Variants in PRPSAP2 observed in about 807,000 individuals in gnomAD.
PRPSAP2 encodes the protein phosphoribosyl pyrophosphate synthase-associated protein 2.
In PRPSAP2, 24 loss-of-function variants were observed where a neutral mutation model predicts 40.6. That is an observed-to-expected ratio of 0.59 (90% CI 0.43 to 0.83). PRPSAP2 has a LOEUF of 0.83. Among genes scored for constraint, PRPSAP2 ranks in the 40% least tolerant of loss-of-function variants. The probability of loss-of-function intolerance (pLI) is 0.00; values close to 1 mark genes in which losing one functional copy is unlikely to be tolerated. For synonymous variants in PRPSAP2, 149 were observed against 164.7 expected (o/e 0.90, Z 0.73); for missense variants, 292 against 465.6 (o/e 0.63, Z 3.43).
intron 3 of PRPSAP2, among the ~76,000 whole-genome samples, chr17:18,866,286 C>T (rs1025139198): frequency 2.6e-5 from 4 of 152,018 alleles, no homozygotes; most frequent in African/African-American, 7.2e-5. Context: ...ACACTGGGGC[C>T]AGGCGCGGTG....
At chr17:18,887,591 C>T (rs1242618047) in intron 7 of PRPSAP2, among the ~76,000 whole-genome samples, 1 of 152,032 alleles carries the variant, frequency 6.6e-6, no homozygotes, top group Non-Finnish European at 1.5e-5. Context: ...TTATTATTTT[C>T]CTTTGGGAAC....
intron 8 of PRPSAP2, among the ~76,000 whole-genome samples, chr17:18,907,283 C>A (rs527999883): frequency 6.6e-6 from 1 of 152,096 alleles, no homozygotes; most frequent in East Asian, 1.9e-4. Flanking sequence ...CAAATCAAGG[C>A]AAATAATTTT....
At chr17:18,881,417 T>C (rs2038729327) in intron 6 of PRPSAP2, among the ~76,000 whole-genome samples, 1 of 145,888 alleles carries the variant, frequency 6.9e-6, no homozygotes, top group South Asian at 2.2e-4. Flanking sequence ...TTTGTGTTTT[T>C]AGTAGAGATG....
At chr17:18,859,541 C>T (rs1242420319) in intron 1 of PRPSAP2, 1 of 152,202 alleles carries the variant, frequency 6.6e-6, no homozygotes, top group Non-Finnish European at 1.5e-5. Context: ...GTGCTTGCTT[C>T]ACTGGGTTGT....
chr17:18,899,697 TTATTTTTGG>T lies in PRPSAP2; in HGVS notation c.584+9832_584+9840del, dbSNP rs1455714453. Among the ~76,000 whole-genome samples the T allele has an allele frequency of 2.7e-5, 4 of 150,920 alleles. No individual in the cohort carries two copies. In the East Asian group the frequency reaches 5.9e-4, roughly 22 times the overall value. On this transcript the variant is annotated intron_variant, in intron 8 of 11. Transcript: ENST00000268835. ...GTGCATGCCACCGTGTCTTGCGAAT[TTATTTTTGG>T]TATTTTTGGTAGAGACGGGGATTTT...
At chr17:18,893,999 A>G (rs1294287540) in intron 8 of PRPSAP2, among the ~76,000 whole-genome samples, 1 of 152,052 alleles carries the variant, frequency 6.6e-6, no homozygotes, top group Non-Finnish European at 1.5e-5. Context: ...CTGGGATTAC[A>G]GGTGTGCACC....
rs944361314 is a variant in PRPSAP2, at chr17:18,908,791, A to G, written c.585-2312A>G. The G allele has an allele frequency of 4.9e-6, 3 of 606,592 alleles. No homozygotes were observed. In the African/African-American group the frequency reaches 1.4e-4, roughly 27 times the overall value. The allele number at this position is 606,592 out of a possible 1,614,324, so 37.6% of individuals were successfully genotyped here. Reference sequence around the variant, plus strand: ...GGATCGGGCAAAAACGATCATGCCAAAAAAAGTGGCGGAAAAGCTAGAAGC... The same window carrying G: ...GGATCGGGCAAAAACGATCATGCCAGAAAAAGTGGCGGAAAAGCTAGAAGC... On this transcript the variant is annotated intron_variant, in intron 8 of 11. Transcript: ENST00000268835.
intron 9 of PRPSAP2, among the ~76,000 whole-genome samples, chr17:18,913,095 G>C (rs1338577905): frequency 6.6e-6 from 1 of 152,192 alleles, no homozygotes; most frequent in Non-Finnish European, 1.5e-5. Flanking sequence ...CACTCTAGTG[G>C]TTCTACCAGT....
chr17:18,916,327 T>A (rs910740447), intron 9 of PRPSAP2, among the ~76,000 whole-genome samples: 21 of 152,004 alleles, frequency 1.4e-4, no homozygotes, highest in Admixed American at 1.2e-3. Flanking sequence ...AGTACCAATT[T>A]CTGTCTTAGT....
At chr17:18,891,307 A>G (rs2039531743) in intron 8 of PRPSAP2, among the ~76,000 whole-genome samples, 1 of 152,208 alleles carries the variant, frequency 6.6e-6, no homozygotes, top group Non-Finnish European at 1.5e-5. Context: ...TAGACTTAGT[A>G]TATTAAATAA....
At chr17:18,862,216 T>C (rs1237256907) in intron 1 of PRPSAP2, among the ~76,000 whole-genome samples, 1 of 152,190 alleles carries the variant, frequency 6.6e-6, no homozygotes, top group East Asian at 1.9e-4. Context: ...GAATTTGGAA[T>C]GATGGGCCCT....
At chr17:18,922,362 CTT>C (rs370204669) in intron 9 of PRPSAP2, among the ~76,000 whole-genome samples, 127 of 152,248 alleles carry the variant, frequency 8.3e-4, no homozygotes, top group Admixed American at 2.0e-3. Flanking sequence ...CTGCCAGACT[CTT>C]TTTTCACAGC....
chr17:18,858,798 C>T (rs949146066), intron 1 of PRPSAP2, among the ~76,000 whole-genome samples: 19 of 152,040 alleles, frequency 1.2e-4, no homozygotes, highest in African/African-American at 4.1e-4. Flanking sequence ...ATGTTGGCTC[C>T]GTTTGGGTGT....
At chr17:18,900,697 G>T (rs1225942049) in intron 8 of PRPSAP2, among the ~76,000 whole-genome samples, 1 of 152,088 alleles carries the variant, frequency 6.6e-6, no homozygotes, top group Non-Finnish European at 1.5e-5. Context: ...TAGAAGTCGA[G>T]ATTCACCACC....
intron 7 of PRPSAP2, 62 bp from the exon 8 acceptor site, chr17:18,889,760 G>T: frequency 6.0e-6 from 8 of 1,325,200 alleles, no homozygotes; most frequent in South Asian, 4.5e-5. Context: ...AGCATTTTTG[G>T]GTCTGTTGGA....
At chr17:18,863,853 T>TTA (rs71155364) in intron 1 of PRPSAP2, among the ~76,000 whole-genome samples, 12 of 140,118 alleles carry the variant, frequency 8.6e-5, no homozygotes, top group East Asian at 2.1e-4. Flanking sequence ...TTTTTTTTTT[T>TTA]AATTTTTTAG....
At chr17:18,884,257 A>G (rs977593596) in intron 7 of PRPSAP2, among the ~76,000 whole-genome samples, 2 of 152,234 alleles carry the variant, frequency 1.3e-5, no homozygotes, top group African/African-American at 2.4e-5. Context: ...ACAGAGCGAG[A>G]CTATCTCAAA....
intron 9 of PRPSAP2, among the ~76,000 whole-genome samples, chr17:18,918,356 G>A (rs1194460721): frequency 6.6e-6 from 1 of 152,138 alleles, no homozygotes; most frequent in Non-Finnish European, 1.5e-5. Context: ...AGCCCAGGAC[G>A]AGCCCTCAGG....
At chr17:18,860,867 G>A (rs1469399465) in intron 1 of PRPSAP2, among the ~76,000 whole-genome samples, 1 of 152,164 alleles carries the variant, frequency 6.6e-6, no homozygotes, top group Non-Finnish European at 1.5e-5. Context: ...ATTCAAAAGA[G>A]GAGTATGATT....
Sources: gnomAD v4.1 joint callset for allele counts (sites outside exome capture counted in the v4.1 genomes callset) on GRCh38, gnomAD v4.1.1 for gene constraint, MANE v1.5 for transcripts, NCBI Gene and HGNC (gene_info 2026-07-23, HGNC 2026-07-21) for gene names.